The following ACBD7 variants were observed in gnomAD, a reference collection of about 807,000 sequenced individuals.
ACBD7 encodes acyl-CoA binding domain containing 7, also known as acyl-CoA-binding domain-containing protein 7.
Under a neutral mutation model 13.7 loss-of-function variants are expected in ACBD7, and 11 were observed. The observed-to-expected ratio is 0.80, with a 90% confidence interval of 0.50 to 1.33. The LOEUF (loss-of-function observed/expected upper bound fraction) is 1.33. Among genes scored for constraint, ACBD7 ranks in the 40% most tolerant of loss-of-function variants. ACBD7 has a pLI of 0.00. For synonymous variants in ACBD7, 43 were observed against 37.7 expected, an observed-to-expected ratio of 1.14 and a Z score of -0.51; for missense variants, 111 against 103.0, an observed-to-expected ratio of 1.08 and a Z score of -0.33.
chr10:15,085,814 A>G (rs1423399075), intron 1 of ACBD7, among the ~76,000 whole-genome samples: 1 of 149,726 alleles, frequency 6.7e-6, no homozygotes, highest in Non-Finnish European at 1.5e-5. Context: ...TGCTACTCCA[A>G]TGACAGTCTG....
chr10:15,078,984 A>C lies in ACBD7; in HGVS notation c.69T>G (p.Asp23Glu). ...DVRKLKARPD[D>E]GELKELYGLY... is the part of the protein sequence containing the mutation. ...GCCCATAGAGTTCTTTCAGTTCTCCATCATCTGGTCTTGCTTTCAGCTTCC... is the reference window on the plus strand; with the variant it reads ...GCCCATAGAGTTCTTTCAGTTCTCCCTCATCTGGTCTTGCTTTCAGCTTCC... Residue 23 changes from aspartate to glutamate, a missense_variant, in exon 2 of 4, where the codon GAT becomes GAG. Physicochemically the swap from Asp to Glu is conservative, Grantham distance 45. Transcript: ENST00000356189. 6.2e-7 allele frequency: 1 copy of C among 1,609,474 alleles called. No homozygotes were observed.
chr10:15,086,209 A>C (rs1227436736), intron 1 of ACBD7, among the ~76,000 whole-genome samples: 1 of 152,084 alleles, frequency 6.6e-6, no homozygotes, highest in Non-Finnish European at 1.5e-5. Flanking sequence ...TAGGAGGCTA[A>C]GGCAGGAGAA....
intron 1 of ACBD7, among the ~76,000 whole-genome samples, chr10:15,082,060 G>T (rs553967314): frequency 2.9e-4 from 44 of 152,272 alleles, no homozygotes; most frequent in African/African-American, 1.0e-3. Flanking sequence ...GGCCAAGGCA[G>T]GTGGATCACC....
chr10:15,076,434 T>G lies in ACBD7; in HGVS notation c.*2096A>C, dbSNP rs1409503739. On this transcript the variant is annotated 3_prime_UTR_variant, in exon 4 of 4. Coordinates refer to ENST00000356189, the MANE Select transcript of ACBD7 (RefSeq NM_001039844.3). ...GTCTTAAATGTCTTAAATGTAAAAA[T>G]TTAAAGAAAAATAGATATTCCTATG... is the stretch of plus-strand genomic sequence containing the variant. 1 of 974,248 alleles carries G rather than the reference T, an allele frequency of 1.0e-6. No individual in the cohort carries two copies. Among genetic ancestry groups the G allele is most frequent in the African/African-American group, 1.8e-5 (1 of 56,942 alleles). The allele number at this position is 974,248 out of a possible 1,614,324, so 60.4% of individuals were successfully genotyped here.
intron 1 of ACBD7, among the ~76,000 whole-genome samples, chr10:15,084,345 G>A (rs1224302913): frequency 6.6e-6 from 1 of 152,202 alleles, no homozygotes; most frequent in East Asian, 1.9e-4. Flanking sequence ...ACTTTAGGGG[G>A]ATCAGAAAGT....
Position 15,076,459 on chromosome 10 carries a change from G to C in ACBD7, c.*2071C>G. On this transcript the variant is annotated 3_prime_UTR_variant, in exon 4 of 4. Transcript: ENST00000356189. ...TTTAAAGAAAAATAGATATTCCTAT[G>C]GGGGCTTTTTAAATTTCTTTAAACT... 2.1e-6 allele frequency: 2 copies of C among 967,584 alleles called. No homozygotes were observed. The highest frequency in any genetic ancestry group is 2.5e-6 in the Non-Finnish European group (2 of 814,140). 59.9% of individuals were successfully genotyped at this position (967,584 alleles called of 1,614,324 possible).
intron 2 of ACBD7, 22 bp from the exon 3 acceptor site, chr10:15,078,775 C>T (rs759962462): frequency 1.2e-6 from 2 of 1,612,446 alleles, no homozygotes; most frequent in East Asian, 2.2e-5. Flanking sequence ...AGGAGACATG[C>T]ATTTGCAGGT....
rs1844839229 is a variant in ACBD7 at position 15,088,737 on chromosome 10, C to G, written c.-9G>C. 1.3e-6 allele frequency: 2 copies of G among 1,598,464 alleles called. No homozygotes were observed. Among genetic ancestry groups the G allele is most frequent in the South Asian group, 2.2e-5 (2 of 89,708 alleles). On this transcript the variant is annotated 5_prime_UTR_variant, in exon 1 of 4. Transcript: ENST00000356189. Reference sequence around the variant, plus strand: ...GGTACCTGCAGGGCCATGGTGGCGGCTGCCGCGTTGTTGCTGCTGCTGTTG... The same window carrying G: ...GGTACCTGCAGGGCCATGGTGGCGGGTGCCGCGTTGTTGCTGCTGCTGTTG...
Position 15,078,882 on chromosome 10 carries a change from T to C in ACBD7, c.130+41A>G, listed in dbSNP as rs1473192473. On this transcript the variant is annotated intron_variant, in intron 2 of 3. Transcript: ENST00000356189. ...ATTATAATCGCAATTAATATATTAA[T>C]TGTAACATATGAATATATTAATATT... 4.9e-6 allele frequency: 6 copies of C among 1,235,486 alleles called. No individual in the cohort carries two copies. In the African/African-American group the frequency reaches 6.2e-5, roughly 13 times the overall value. 76.5% of individuals were successfully genotyped at this position (1,235,486 alleles called of 1,614,324 possible). A position where few individuals can be genotyped will look rare whatever the true frequency, so the allele number is the denominator to read the frequency against.
rs1267536083 is a variant in ACBD7, at chr10:15,077,163, G to C, written c.*1367C>G. Among the ~76,000 whole-genome samples the C allele has an allele frequency of 6.6e-6, 1 of 152,066 alleles. No homozygotes were observed. Among genetic ancestry groups the C allele is most frequent in the African/African-American group, 2.4e-5 (1 of 41,416 alleles). ...ATATCTATTGCAGCACAATTCACAA[G>C]AGCAAAGATATGGAATCAACCTAAG... On this transcript the variant is annotated 3_prime_UTR_variant, in exon 4 of 4. Coordinates refer to ENST00000356189, the MANE Select transcript of ACBD7 (RefSeq NM_001039844.3).
intron 1 of ACBD7, among the ~76,000 whole-genome samples, chr10:15,081,122 T>C (rs1218889410): frequency 6.6e-6 from 1 of 152,122 alleles, no homozygotes; most frequent in African/African-American, 2.4e-5. Flanking sequence ...GTTTCCCTAA[T>C]GGCTAAACAG....
chr10:15,078,760 A>G lies in ACBD7; in HGVS notation c.131-7T>C, dbSNP rs1363472630. ...TCTAGCATTCCTGGACACGCTGGCA[A>G]AAGAAGGAGACATGCATTTGCAGGT... On this transcript the variant is annotated splice_region_variant and splice_polypyrimidine_tract_variant and intron_variant, in intron 2 of 3. Coordinates refer to ENST00000356189, the MANE Select transcript of ACBD7 (RefSeq NM_001039844.3). The G allele has an allele frequency of 1.2e-6, 2 of 1,613,546 alleles. No homozygotes were observed. Among genetic ancestry groups the G allele is most frequent in the African/African-American group, 2.7e-5 (2 of 74,914 alleles).
chr10:15,083,004 T>C (rs897102897), intron 1 of ACBD7, among the ~76,000 whole-genome samples: 1 of 151,830 alleles, frequency 6.6e-6, no homozygotes, highest in Non-Finnish European at 1.5e-5. Flanking sequence ...GCCACTGCAC[T>C]CCAGCCTGGG....
intron 1 of ACBD7, among the ~76,000 whole-genome samples, chr10:15,079,555 G>A (rs1844725553): frequency 6.6e-6 from 1 of 151,146 alleles, no homozygotes; most frequent in Admixed American, 6.6e-5. Context: ...GACTACAGGC[G>A]TGAGCCACTG....
intron 1 of ACBD7, among the ~76,000 whole-genome samples, chr10:15,087,489 T>G (rs1217133671): frequency 6.6e-6 from 1 of 152,068 alleles, no homozygotes; most frequent in African/African-American, 2.4e-5. Context: ...AAGATTACAT[T>G]TTAGAGGCCG....
chr10:15,084,304 C>T (rs1360036866), intron 1 of ACBD7, among the ~76,000 whole-genome samples: 1 of 152,208 alleles, frequency 6.6e-6, no homozygotes, highest in East Asian at 1.9e-4. Flanking sequence ...CTATTAAGTA[C>T]ATCCTTGTTG....
intron 1 of ACBD7, among the ~76,000 whole-genome samples, chr10:15,084,785 A>T (rs1844790379): frequency 6.6e-6 from 1 of 152,230 alleles, no homozygotes; most frequent in South Asian, 2.1e-4. Context: ...GAAGTTACAA[A>T]GGTACATTCC....
At chr10:15,079,268 CT>C (rs36008210) in intron 1 of ACBD7, among the ~76,000 whole-genome samples, 436 of 126,418 alleles carry the variant, frequency 3.4e-3, no homozygotes, top group East Asian at 9.5e-3. Context: ...GGTTTAACTT[CT>C]TTTTTTTTTT....
At position 15,078,066 on chromosome 10, in the gene ACBD7, G is replaced by C. The variant is rs1461155779; in HGVS notation, c.*464C>G. 1 of 162,456 alleles carries C rather than the reference G, an allele frequency of 6.2e-6. No homozygotes were observed. The highest frequency in any genetic ancestry group is 2.4e-5 in the African/African-American group (1 of 41,562). The allele number at this position is 162,456 out of a possible 1,614,324, so 10.1% of individuals were successfully genotyped here. A position where few individuals can be genotyped will look rare whatever the true frequency, so the allele number is the denominator to read the frequency against. ...CCCATCAACCGGTCACCTACATCAGGTATGTCTCCTAATGTTATCCCTCCC... is the reference window on the plus strand; with the variant it reads ...CCCATCAACCGGTCACCTACATCAGCTATGTCTCCTAATGTTATCCCTCCC... On this transcript the variant is annotated 3_prime_UTR_variant, in exon 4 of 4. Transcript: ENST00000356189.
Sources: allele counts gnomAD v4.1 joint callset (sites outside exome capture counted in the v4.1 genomes callset), GRCh38; gene constraint gnomAD v4.1.1; transcripts MANE v1.5; gene names NCBI Gene and HGNC (gene_info 2026-07-23, HGNC 2026-07-21).